Variants in MTMR8 observed in about 807,000 individuals in gnomAD.
MTMR8 encodes the protein phosphatidylinositol-3,5-bisphosphate 3-phosphatase MTMR8.
MTMR8 carries 65 observed loss-of-function variants against 39.3 expected under a neutral mutation model. The observed-to-expected ratio is 1.65, with a 90% CI of 1.35 to 2.03. The LOEUF (loss-of-function observed/expected upper bound fraction) is 2.03, where lower values mean the gene tolerates loss of function less well. MTMR8 is among the 30% of genes most tolerant of loss of function. The pLI is 0.00. For synonymous variants in MTMR8, 245 were observed against 185.2 expected (o/e 1.32, Z -2.62); for missense variants, 777 against 538.9 (o/e 1.44, Z -4.37).
At chrX:64,373,938 T>A (rs775031157) in intron 1 of MTMR8, among the ~76,000 whole-genome samples, 1 of 111,398 alleles carries the variant, frequency 9.0e-6, no homozygotes, top group African/African-American at 3.3e-5. Context: ...ACTCAGGAAG[T>A]TTTCTTTCAG....
At chrX:64,271,978 G>T (rs1931771551) in intron 12 of MTMR8, among the ~76,000 whole-genome samples, 1 of 111,809 alleles carries the variant, frequency 8.9e-6, no homozygotes, top group Non-Finnish European at 1.9e-5. Flanking sequence ...ACCTGTCTAG[G>T]AACACTGATG....
intron 12 of MTMR8, among the ~76,000 whole-genome samples, chrX:64,283,314 C>G (rs1253262514): frequency 1.8e-5 from 2 of 111,979 alleles, no homozygotes; most frequent in African/African-American, 6.5e-5. Flanking sequence ...AGTAAGTAAA[C>G]AAAGCAGCCT....
chrX:64,376,316 T>A, intron 1 of MTMR8, among the ~76,000 whole-genome samples: 1 of 112,178 alleles, frequency 8.9e-6, no homozygotes, highest in East Asian at 2.8e-4. Flanking sequence ...AGATAAAAGT[T>A]TGGAACTTCC....
chrX:64,331,465 T>G (rs1348460945), intron 11 of MTMR8, 92 bp downstream of exon 11: 1 of 819,506 alleles, frequency 1.2e-6, no homozygotes, highest in African/African-American at 2.1e-5. Flanking sequence ...TCCCCTTTCT[T>G]GACTGCTATG....
At chrX:64,311,917 T>C (rs1424419975) in intron 12 of MTMR8, among the ~76,000 whole-genome samples, 1 of 110,965 alleles carries the variant, frequency 9.0e-6, no homozygotes, top group East Asian at 2.8e-4. Context: ...CCTTGTAGAA[T>C]AGTTTGAAGT....
intron 12 of MTMR8, among the ~76,000 whole-genome samples, chrX:64,280,961 G>T (rs1931995405): frequency 9.0e-6 from 1 of 110,927 alleles, no homozygotes; most frequent in Non-Finnish European, 1.9e-5. Context: ...GCTACAAAGA[G>T]AATACAATTC....
chrX:64,323,850 A>G (rs190390426), intron 12 of MTMR8, among the ~76,000 whole-genome samples: 2 of 112,518 alleles, frequency 1.8e-5, no homozygotes, highest in East Asian at 5.6e-4. Context: ...GGAAGTCTAA[A>G]AATTTCTTGA....
At chrX:64,363,906 G>T (rs1296948238) in intron 1 of MTMR8, among the ~76,000 whole-genome samples, 1 of 112,362 alleles carries the variant, frequency 8.9e-6, no homozygotes, top group Middle Eastern at 4.2e-3. Flanking sequence ...TTTTCCAACA[G>T]TATAAGCAAA....
chrX:64,275,418 A>G, intron 12 of MTMR8, among the ~76,000 whole-genome samples: 1 of 110,238 alleles, frequency 9.1e-6, no homozygotes, highest in Non-Finnish European at 1.9e-5. Context: ...AGGTGGGGCC[A>G]GGTGCAGTGG....
intron 1 of MTMR8, among the ~76,000 whole-genome samples, chrX:64,363,778 G>A (rs754728775): frequency 9.0e-6 from 1 of 111,547 alleles, no homozygotes; most frequent in Non-Finnish European, 1.9e-5. Flanking sequence ...GCTGAAGCAG[G>A]GTGGGGCATC....
chrX:64,271,874 G>C (rs752347396), intron 12 of MTMR8, among the ~76,000 whole-genome samples: 5 of 112,290 alleles, frequency 4.5e-5, no homozygotes, highest in African/African-American at 1.6e-4. Flanking sequence ...GAAAATCCCA[G>C]TTCCCAGCTT....
chrX:64,343,785 A>G, intron 7 of MTMR8, 65 bp from the exon 8 acceptor site: 6 of 763,931 alleles, frequency 7.9e-6, no homozygotes, highest in Non-Finnish European at 1.2e-5. Flanking sequence ...TTAAGGGGAG[A>G]AAGTGGATCT....
chrX:64,349,851 G>T, intron 5 of MTMR8, 91 bp downstream of exon 5: 1 of 804,795 alleles, frequency 1.2e-6, no homozygotes, highest in Non-Finnish European at 1.7e-6. Flanking sequence ...ACTTGCCTGA[G>T]GTCACACAGC....
At chrX:64,288,732 G>T (rs897778543) in intron 12 of MTMR8, among the ~76,000 whole-genome samples, 1 of 110,946 alleles carries the variant, frequency 9.0e-6, no homozygotes, top group Non-Finnish European at 1.9e-5. Context: ...CATGGATGAA[G>T]CTGGAAACCA....
chrX:64,298,312 G>A (rs1241635686), intron 12 of MTMR8, among the ~76,000 whole-genome samples: 1 of 100,408 alleles, frequency 1.0e-5, no homozygotes, highest in African/African-American at 3.8e-5. Context: ...CTTGTAAGTT[G>A]GATTCCTAGG....
intron 12 of MTMR8, among the ~76,000 whole-genome samples, chrX:64,302,267 G>T (rs997116123): frequency 5.3e-5 from 6 of 112,563 alleles, no homozygotes; most frequent in African/African-American, 1.3e-4. Context: ...ATAGTCTCAT[G>T]GTGCGCCGTT....
chrX:64,324,593 G>A (rs1922737563), intron 12 of MTMR8, among the ~76,000 whole-genome samples: 1 of 110,318 alleles, frequency 9.1e-6, no homozygotes, highest in Non-Finnish European at 1.9e-5. Context: ...GCTGAGGCAG[G>A]AGGATCACCT....
chrX:64,286,734 C>A (rs1253707429), intron 12 of MTMR8, among the ~76,000 whole-genome samples: 10 of 111,656 alleles, frequency 9.0e-5, no homozygotes, highest in African/African-American at 3.3e-4. Flanking sequence ...TCAATAGATG[C>A]AGAAAAGGCC....
At chrX:64,334,907 G>A (rs1231120078) in intron 10 of MTMR8, among the ~76,000 whole-genome samples, 4 of 111,481 alleles carry the variant, frequency 3.6e-5, no homozygotes, top group South Asian at 3.7e-4. Flanking sequence ...ATACTACACC[G>A]TCATCACTGA....
Sources: gnomAD v4.1 joint callset for allele counts (sites outside exome capture counted in the v4.1 genomes callset) on GRCh38, gnomAD v4.1.1 for gene constraint, MANE v1.5 for transcripts, NCBI Gene and HGNC (gene_info 2026-07-23, HGNC 2026-07-21) for gene names.